DNAH6: variants seen among roughly 807,000 people sequenced by gnomAD.
DNAH6 encodes axonemal beta dynein heavy chain 6.
In DNAH6, 340 loss-of-function variants were observed where a neutral mutation model predicts 491.4. That is an observed-to-expected ratio of 0.69 (90% CI 0.63 to 0.76). DNAH6 has a LOEUF of 0.76. DNAH6 is among the 30% of genes least tolerant of loss of function. DNAH6 has a pLI of 0.00. For synonymous variants in DNAH6, 1,603 were observed against 1,686.1 expected, an observed-to-expected ratio of 0.95 and a Z score of 1.21; for missense variants, 4,443 against 4,972.2, an observed-to-expected ratio of 0.89 and a Z score of 3.20.
At chr2:84,783,993 G>T (rs1676943707) in intron 65 of DNAH6, among the ~76,000 whole-genome samples, 1 of 152,198 alleles carries the variant, frequency 6.6e-6, no homozygotes, top group African/African-American at 2.4e-5. Context: ...TGAGGGAACA[G>T]CCAGTGCAAA....
intron 13 of DNAH6, among the ~76,000 whole-genome samples, chr2:84,578,173 TAA>T (rs1325858445): frequency 1.3e-5 from 2 of 152,142 alleles, no homozygotes; most frequent in African/African-American, 4.8e-5. Flanking sequence ...GAGCACTGTA[TAA>T]AAAAGAGTGC....
At chr2:84,517,676 A>T (rs577399542) in intron 1 of DNAH6, 143 bp from the exon 2 acceptor site, 625 of 635,844 alleles carry the variant, frequency 9.8e-4, no homozygotes, top group Non-Finnish European at 1.4e-3. Flanking sequence ...GTTCGGGAAG[A>T]CTGGGGTAAC....
Position 84,799,716 on chromosome 2 carries a change from G to A in DNAH6, c.11481+2058G>A, listed in dbSNP as rs113538877. Among the ~76,000 whole-genome samples the A allele has an allele frequency of 2.4e-4, 36 of 152,326 alleles. 1 individual carries two copies. Among genetic ancestry groups the A allele is most frequent in the African/African-American group, 7.9e-4 (33 of 41,592 alleles). On this transcript the variant is annotated intron_variant, in intron 70 of 76. Coordinates refer to ENST00000389394, the MANE Select transcript of DNAH6 (RefSeq NM_001370.2). ...AGTCTTTGGTGCAAAGCACCCCTAA[G>A]AAAGGAGGGAGCGCACTCCACCAAA... is the stretch of plus-strand genomic sequence containing the variant.
chr2:84,798,416 C>A (rs1678542727), intron 70 of DNAH6, among the ~76,000 whole-genome samples: 1 of 152,168 alleles, frequency 6.6e-6, no homozygotes, highest in South Asian at 2.1e-4. Context: ...GACTGGCAGG[C>A]AGAGCAGCCC....
At chr2:84,476,128 A>G in the DNAH6 span, among the ~76,000 whole-genome samples, 1 of 152,216 alleles carries the variant, frequency 6.6e-6, no homozygotes, top group Non-Finnish European at 1.5e-5. Context: ...ATATGGTATT[A>G]ATCTATTATC....
At chr2:84,553,088 C>A (rs1195178104) in intron 10 of DNAH6, 54 bp downstream of exon 10, 2 of 1,079,648 alleles carry the variant, frequency 1.9e-6, no homozygotes, top group Non-Finnish European at 2.7e-6. Context: ...GAAAATGAAG[C>A]AGCTGTTTTG....
rs1300753764 is a variant in DNAH6, at chr2:84,785,714, A to T, written c.11058A>T (p.Arg3686Ser). ...AAAATATACTTGGAAAAAAATGGAG[A>T]CAAATAATATTTGGCATTTGTTTCT... ...FEENILGKKW[R>S]QIIFGICFFH... The change falls in exon 67 of 77, where the codon AGA becomes AGT. Residue 3686 changes from arginine to serine, a missense_variant. Transcript: ENST00000389394. 7 of 1,547,442 alleles carry T rather than the reference A, an allele frequency of 4.5e-6. No individual in the cohort carries two copies. In the South Asian group the frequency reaches 6.0e-5, roughly 13 times the overall value.
chr2:84,479,964 G>A, the DNAH6 span, among the ~76,000 whole-genome samples: 2 of 152,330 alleles, frequency 1.3e-5, no homozygotes, highest in East Asian at 3.9e-4. Context: ...TGTGAAATTA[G>A]TGAGAGTGCT....
At chr2:84,673,030 A>G (rs1262162556) in intron 40 of DNAH6, among the ~76,000 whole-genome samples, 2 of 152,148 alleles carry the variant, frequency 1.3e-5, no homozygotes, top group African/African-American at 4.8e-5. Flanking sequence ...CAGAGGGTGG[A>G]CAGACATTTC....
At chr2:84,598,387 C>A (rs1684888286) in intron 18 of DNAH6, among the ~76,000 whole-genome samples, 1 of 152,032 alleles carries the variant, frequency 6.6e-6, no homozygotes, top group Non-Finnish European at 1.5e-5. Flanking sequence ...GTTTGTTTAT[C>A]CATTCACCTG....
chr2:84,581,185 C>T (rs755789638), intron 14 of DNAH6, among the ~76,000 whole-genome samples: 4 of 152,178 alleles, frequency 2.6e-5, no homozygotes, highest in Non-Finnish European at 5.9e-5. Flanking sequence ...TCAATGGCTG[C>T]AGAGGGTCAG....
rs192887404 is a variant in DNAH6, at chr2:84,785,539, G to A, written c.10954-71G>A. ...CATCATTTCAATGGCTTCAGTCTAT[G>A]TGTGTTATTCAGAAATAATGCAAAT... is the stretch of plus-strand genomic sequence containing the variant. On this transcript the variant is annotated intron_variant, in intron 66 of 76. Transcript: ENST00000389394. The A allele has an allele frequency of 8.2e-5, 113 of 1,373,762 alleles. 1 individual carries two copies. The East Asian group carries it at 2.7e-3, about 33-fold the overall frequency. The allele number at this position is 1,373,762 out of a possible 1,614,324, so 85.1% of individuals were successfully genotyped here.
chr2:84,753,851 A>T (rs1673727459), intron 63 of DNAH6, among the ~76,000 whole-genome samples: 2 of 138,344 alleles, frequency 1.4e-5, no homozygotes, highest in Non-Finnish European at 3.0e-5. Flanking sequence ...TTTGAGACAT[A>T]GTCTCACTCT....
chr2:84,611,960 C>T, intron 22 of DNAH6, 106 bp downstream of exon 22: 1 of 966,328 alleles, frequency 1.0e-6, no homozygotes, highest in Non-Finnish European at 1.5e-6. Flanking sequence ...AACATATGGT[C>T]CATTCAACCC....
At chr2:84,653,924 C>G in intron 34 of DNAH6, 50 bp downstream of exon 34, 4 of 1,436,368 alleles carry the variant, frequency 2.8e-6, no homozygotes, top group Non-Finnish European at 3.7e-6. Context: ...AATTGGCATA[C>G]TATCGTTACA....
At chr2:84,758,486 A>T (rs1674262376) in intron 63 of DNAH6, among the ~76,000 whole-genome samples, 1 of 152,132 alleles carries the variant, frequency 6.6e-6, no homozygotes, top group African/African-American at 2.4e-5. Flanking sequence ...AAAAATATAG[A>T]CCAATATCCC....
chr2:84,775,652 G>A (rs1415384491), intron 64 of DNAH6, among the ~76,000 whole-genome samples: 3 of 151,980 alleles, frequency 2.0e-5, no homozygotes, highest in Non-Finnish European at 4.4e-5. Flanking sequence ...GGCTTTGCTT[G>A]GTAGGATTTT....
chr2:84,559,180 G>A (rs546491107), intron 11 of DNAH6, among the ~76,000 whole-genome samples: 101 of 152,284 alleles, frequency 6.6e-4, no homozygotes, highest in African/African-American at 2.4e-3. Context: ...GTCACAGCCA[G>A]AAAGAAGCCC....
chr2:84,516,976 G>A (rs1032247849), intron 1 of DNAH6, among the ~76,000 whole-genome samples: 2 of 152,086 alleles, frequency 1.3e-5, no homozygotes, highest in Non-Finnish European at 2.9e-5. Flanking sequence ...TTTGTATATG[G>A]TAAATAAAAC....
Sources: allele counts gnomAD v4.1 joint callset (sites outside exome capture counted in the v4.1 genomes callset), GRCh38; gene constraint gnomAD v4.1.1; transcripts MANE v1.5; gene names NCBI Gene and HGNC (gene_info 2026-07-23, HGNC 2026-07-21).